AVEN: variants seen among roughly 807,000 people sequenced by gnomAD.
AVEN encodes cell death regulator Aven.
A neutral mutation model predicts 38.1 loss-of-function variants in AVEN; 41 were observed. The observed-to-expected ratio is 1.08, with a 90% CI of 0.84 to 1.40. The LOEUF (loss-of-function observed/expected upper bound fraction) is 1.40, where lower values mean the gene tolerates loss of function less well. AVEN is among the 40% of genes most tolerant of loss of function. The pLI, the probability that AVEN is intolerant of heterozygous loss-of-function variation, is 0.00. For missense variants in AVEN, 605 were observed against 438.8 expected (o/e 1.38, Z -3.38); for synonymous variants, 206 against 171.8 (o/e 1.20, Z -1.56).
intron 2 of AVEN, among the ~76,000 whole-genome samples, chr15:33,882,104 A>G (rs1185608579): frequency 6.6e-6 from 1 of 152,166 alleles, no homozygotes; most frequent in African/African-American, 2.4e-5. Flanking sequence ...CTTACAGAAT[A>G]TTGTAGAACG....
intron 2 of AVEN, among the ~76,000 whole-genome samples, chr15:33,878,628 GA>G (rs1459537654): frequency 6.6e-6 from 1 of 152,074 alleles, no homozygotes; most frequent in Non-Finnish European, 1.5e-5. Flanking sequence ...TTGAATTACA[GA>G]AATTATCAAC....
chr15:33,867,920 C>T (rs1455234187), intron 4 of AVEN, 65 bp from the exon 5 acceptor site: 177 of 1,502,620 alleles, frequency 1.2e-4, no homozygotes, highest in Non-Finnish European at 1.5e-4. Context: ...TAAGTAAATA[C>T]ATAGGAGGCT....
intron 2 of AVEN, among the ~76,000 whole-genome samples, chr15:33,963,096 T>C (rs1388888003): frequency 6.6e-6 from 1 of 152,152 alleles, no homozygotes; most frequent in Non-Finnish European, 1.5e-5. Flanking sequence ...TAAAATTTAT[T>C]GTGTAAAATG....
chr15:34,074,082 C>T (rs773401656), intron 1 of AVEN, among the ~76,000 whole-genome samples: 8 of 140,526 alleles, frequency 5.7e-5, no homozygotes, highest in African/African-American at 1.1e-4. Context: ...ACTGCAGTCT[C>T]TGCCTCCCAG....
At chr15:33,895,703 G>C (rs1015884626) in intron 2 of AVEN, among the ~76,000 whole-genome samples, 2 of 152,048 alleles carry the variant, frequency 1.3e-5, no homozygotes, top group African/African-American at 4.8e-5. Context: ...GTATTCTGAA[G>C]GCCCCACCAA....
At position 33,943,823 on chromosome 15, in the gene AVEN, T is replaced by TAA. The variant is rs71119905; in HGVS notation, c.445+59207_445+59208dup. On this transcript the variant is annotated intron_variant, in intron 2 of 5. Coordinates refer to ENST00000306730, the MANE Select transcript of AVEN (RefSeq NM_020371.3). ...GGGTGACAGAGCAAGACTCCGTCTTTAAAAAAAAAAAAAAAAAAAAAAAAA... is the reference window on the plus strand; with the variant it reads ...GGGTGACAGAGCAAGACTCCGTCTTTAAAAAAAAAAAAAAAAAAAAAAAAAAA... Among the ~76,000 whole-genome samples, 775 of 88,860 alleles carry TAA rather than the reference T, an allele frequency of 8.7e-3. 13 individuals carry two copies. The highest frequency in any genetic ancestry group is 0.015 in the African/African-American group (362 of 24,388). The allele number at this position is 88,860 out of a possible 152,430, so 58.3% of individuals were successfully genotyped here. A position where few individuals can be genotyped will look rare whatever the true frequency, so the allele number is the denominator to read the frequency against.
intron 2 of AVEN, among the ~76,000 whole-genome samples, chr15:34,002,026 T>C (rs1323957719): frequency 6.6e-6 from 1 of 152,188 alleles, no homozygotes. Context: ...CACACACAGT[T>C]ATAAAGAAAT....
chr15:33,994,407 G>A (rs1476012054), intron 2 of AVEN, among the ~76,000 whole-genome samples: 2 of 152,162 alleles, frequency 1.3e-5, no homozygotes, highest in African/African-American at 4.8e-5. Flanking sequence ...CTACATTATG[G>A]TGAGTTGTAT....
chr15:33,941,759 T>C (rs572223783), intron 2 of AVEN, among the ~76,000 whole-genome samples: 59 of 152,252 alleles, frequency 3.9e-4, no homozygotes, highest in African/African-American at 1.3e-3. Context: ...GGGACAATAG[T>C]CTTACACTCC....
chr15:34,027,091 A>T (rs947506564), intron 1 of AVEN, among the ~76,000 whole-genome samples: 5 of 152,222 alleles, frequency 3.3e-5, no homozygotes, highest in African/African-American at 1.2e-4. Flanking sequence ...AATTGTCAAC[A>T]TATACTCTTT....
chr15:34,010,949 A>G (rs78230162), intron 1 of AVEN, among the ~76,000 whole-genome samples: 3,274 of 152,328 alleles, frequency 0.021, 112 homozygotes, highest in African/African-American at 0.073. Context: ...TTTTTTCACT[A>G]TTAAAAAACA....
chr15:33,881,555 C>T (rs1012686637), intron 2 of AVEN, among the ~76,000 whole-genome samples: 1 of 152,170 alleles, frequency 6.6e-6, no homozygotes, highest in Non-Finnish European at 1.5e-5. Flanking sequence ...AGAATACCAA[C>T]CACTCTGATT....
At chr15:34,053,960 A>G (rs1209357016) in intron 5 of AVEN, among the ~76,000 whole-genome samples, 4 of 152,214 alleles carry the variant, frequency 2.6e-5, no homozygotes, top group Admixed American at 6.5e-5. Context: ...AGAATCTACA[A>G]GGAACATAAA....
downstream of AVEN, among the ~76,000 whole-genome samples, chr15:33,864,375 G>GACATTTTCTA (rs1226833249): frequency 7.9e-5 from 12 of 151,492 alleles, no homozygotes; most frequent in African/African-American, 2.7e-4. Context: ...AACAAACACT[G>GACATTTTCTA]ACATTTTCTA....
At chr15:34,051,066 A>G (rs902100458) in intron 5 of AVEN, among the ~76,000 whole-genome samples, 5 of 152,196 alleles carry the variant, frequency 3.3e-5, no homozygotes, top group Admixed American at 3.3e-4. Context: ...CATCACCCAC[A>G]GAACTTACTC....
At chr15:33,892,598 G>GT (rs1301883350) in intron 2 of AVEN, among the ~76,000 whole-genome samples, 2 of 152,134 alleles carry the variant, frequency 1.3e-5, no homozygotes, top group African/African-American at 4.8e-5. Context: ...CTCTGTTTTG[G>GT]TACCAGCACC....
chr15:33,953,578 C>A (rs918471284), intron 2 of AVEN, among the ~76,000 whole-genome samples: 13 of 152,178 alleles, frequency 8.5e-5, no homozygotes, highest in African/African-American at 3.1e-4. Flanking sequence ...GTAAAACTGG[C>A]TAGCCATATG....
chr15:33,995,506 G>C (rs760188793), intron 2 of AVEN, among the ~76,000 whole-genome samples: 1 of 152,082 alleles, frequency 6.6e-6, no homozygotes, highest in Non-Finnish European at 1.5e-5. Flanking sequence ...ATCCACAGGC[G>C]TCCTGAAACC....
At chr15:33,854,123 C>G (rs11630104), downstream of AVEN, among the ~76,000 whole-genome samples, 148,693 of 151,504 alleles carry the variant, frequency 0.98, 73,031 homozygotes, top group Middle Eastern at 1. Flanking sequence ...TTGAACCTGG[C>G]AGGTGGAGGT....
Sources: gnomAD v4.1 joint callset for allele counts (sites outside exome capture counted in the v4.1 genomes callset) on GRCh38, gnomAD v4.1.1 for gene constraint, MANE v1.5 for transcripts, NCBI Gene and HGNC (gene_info 2026-07-23, HGNC 2026-07-21) for gene names.